Variants in NAALADL2 observed in about 807,000 individuals in gnomAD.
NAALADL2 encodes the protein inactive N-acetylated-alpha-linked acidic dipeptidase-like protein 2.
NAALADL2 carries 76 observed loss-of-function variants against 87.2 expected under a neutral mutation model. That is an observed-to-expected ratio of 0.87 (90% CI 0.72 to 1.05). The LOEUF (loss-of-function observed/expected upper bound fraction) is 1.05, where lower values mean the gene tolerates loss of function less well. Among genes scored for constraint, NAALADL2 ranks in the 50% least tolerant of loss-of-function variants. NAALADL2 has a pLI of 0.00. For missense variants in NAALADL2, 1,089 were observed against 945.8 expected, an observed-to-expected ratio of 1.15 and a Z score of -1.99; for synonymous variants, 354 against 331.0, an observed-to-expected ratio of 1.07 and a Z score of -0.75.
chr3:175,265,533 T>C (rs1426818273), intron 4 of NAALADL2, among the ~76,000 whole-genome samples: 1 of 151,616 alleles, frequency 6.6e-6, no homozygotes, highest in African/African-American at 2.4e-5. Flanking sequence ...TAATTATTAT[T>C]ACTATCTTGC....
intron 1 of NAALADL2, among the ~76,000 whole-genome samples, chr3:175,048,657 G>A (rs74509054): frequency 0.012 from 1,777 of 152,048 alleles, 27 homozygotes; most frequent in African/African-American, 0.041. Flanking sequence ...TTTTATGATC[G>A]GAATTGAGTT....
At chr3:175,225,609 G>T (rs893825728) in intron 2 of NAALADL2, among the ~76,000 whole-genome samples, 2 of 151,806 alleles carry the variant, frequency 1.3e-5, no homozygotes, top group Non-Finnish European at 2.9e-5. Context: ...TGTGATAAAG[G>T]CTAGTCATTT....
intron 11 of NAALADL2, among the ~76,000 whole-genome samples, chr3:175,734,655 C>A (rs957950583): frequency 1.2e-4 from 18 of 152,322 alleles, no homozygotes; most frequent in Admixed American, 1.0e-3. Flanking sequence ...GCTACCAAGA[C>A]TTGGGGCTTC....
intron 1 of NAALADL2, among the ~76,000 whole-genome samples, chr3:174,937,890 T>C (rs763807765): frequency 2.6e-5 from 4 of 152,090 alleles, no homozygotes; most frequent in Non-Finnish European, 5.9e-5. Flanking sequence ...CCCTCCTCTT[T>C]GCAAAAATAG....
intron 11 of NAALADL2, among the ~76,000 whole-genome samples, chr3:175,725,212 CATT>C (rs1304824889): frequency 6.6e-6 from 1 of 152,048 alleles, no homozygotes; most frequent in Non-Finnish European, 1.5e-5. Context: ...GTTTCTTTAG[CATT>C]ATTACAAATT....
At chr3:175,231,680 A>G (rs774089538) in intron 2 of NAALADL2, among the ~76,000 whole-genome samples, 23 of 152,168 alleles carry the variant, frequency 1.5e-4, no homozygotes, top group South Asian at 4.1e-4. Flanking sequence ...ATGTTCATCA[A>G]TTAACAGTGT....
intron 1 of NAALADL2, among the ~76,000 whole-genome samples, chr3:174,940,436 A>G (rs1237302416): frequency 1.3e-5 from 2 of 152,120 alleles, no homozygotes; most frequent in African/African-American, 2.4e-5. Flanking sequence ...GAATTTTTGC[A>G]TCTGTGTTCA....
At chr3:174,863,329 T>G (rs1726733954) in intron 1 of NAALADL2, among the ~76,000 whole-genome samples, 1 of 152,092 alleles carries the variant, frequency 6.6e-6, no homozygotes, top group Non-Finnish European at 1.5e-5. Context: ...TTGACGTCTT[T>G]TAGTTTCTAT....
At chr3:175,131,603 T>A (rs981652131) in intron 2 of NAALADL2, among the ~76,000 whole-genome samples, 3 of 152,320 alleles carry the variant, frequency 2.0e-5, no homozygotes, top group East Asian at 3.9e-4. Context: ...TTCCCCGCTT[T>A]CTATTCCACA....
At chr3:175,169,893 G>A (rs577980754) in intron 2 of NAALADL2, among the ~76,000 whole-genome samples, 43 of 151,914 alleles carry the variant, frequency 2.8e-4, no homozygotes, top group Middle Eastern at 3.4e-3. Flanking sequence ...ATTTAACATC[G>A]TTTTAAACTC....
intron 2 of NAALADL2, among the ~76,000 whole-genome samples, chr3:175,200,159 TG>T (rs1739812723): frequency 6.6e-6 from 1 of 151,828 alleles, no homozygotes; most frequent in South Asian, 2.1e-4. Flanking sequence ...GCTTAAGCTT[TG>T]CTTCTTCATT....
intron 2 of NAALADL2, among the ~76,000 whole-genome samples, chr3:174,703,792 C>T (rs903669582): frequency 5.3e-5 from 8 of 152,148 alleles, no homozygotes; most frequent in Non-Finnish European, 1.2e-4. Context: ...ACCTTACAGA[C>T]ATCTTTATAC....
At chr3:175,535,078 C>T (rs1368073694) in intron 9 of NAALADL2, among the ~76,000 whole-genome samples, 1 of 152,050 alleles carries the variant, frequency 6.6e-6, no homozygotes, top group Non-Finnish European at 1.5e-5. Context: ...ATCAGATTCA[C>T]ACCTAGAATG....
At chr3:175,074,070 T>C (rs1716150413) in intron 1 of NAALADL2, among the ~76,000 whole-genome samples, 1 of 152,102 alleles carries the variant, frequency 6.6e-6, no homozygotes, top group Non-Finnish European at 1.5e-5. Context: ...TAGCTTTTTT[T>C]TACTGTTCTA....
At chr3:175,753,932 C>G (rs1746918016) in intron 12 of NAALADL2, among the ~76,000 whole-genome samples, 1 of 152,160 alleles carries the variant, frequency 6.6e-6, no homozygotes, top group Non-Finnish European at 1.5e-5. Context: ...ATTACCTTGA[C>G]TTGAAGTGAT....
At chr3:175,645,762 C>T (rs922233556) in intron 11 of NAALADL2, among the ~76,000 whole-genome samples, 1 of 152,060 alleles carries the variant, frequency 6.6e-6, no homozygotes, top group African/African-American at 2.4e-5. Context: ...CCTCATTATG[C>T]ATCAGATAGT....
At position 175,240,884 on chromosome 3, in the gene NAALADL2, C is replaced by T. The variant is rs540781019; in HGVS notation, c.819+6680C>T. 1.4e-4 allele frequency among the ~76,000 whole-genome samples: 21 copies of T among 152,244 alleles called. No individual in the cohort carries two copies. The South Asian group carries it at 4.4e-3, about 32-fold the overall frequency. On this transcript the variant is annotated intron_variant, in intron 3 of 13. Transcript: ENST00000454872. ...TGGTCAGGCTGGTCTCGAACTGGAA[C>T]TCCCGACCTCAGGTGATCCACCTGC...
chr3:175,591,308 C>G (rs927641470), intron 10 of NAALADL2, among the ~76,000 whole-genome samples: 5 of 152,092 alleles, frequency 3.3e-5, no homozygotes, highest in Non-Finnish European at 2.9e-5. Context: ...AGATTTAACT[C>G]TGATGCTAAA....
chr3:175,096,061 C>T (rs1311157400), intron 1 of NAALADL2, among the ~76,000 whole-genome samples: 2 of 152,066 alleles, frequency 1.3e-5, no homozygotes, highest in Non-Finnish European at 2.9e-5. Flanking sequence ...AAAGGCTTTC[C>T]TCTTTGGATT....
Sources: allele counts gnomAD v4.1 joint callset (sites outside exome capture counted in the v4.1 genomes callset), GRCh38; gene constraint gnomAD v4.1.1; transcripts MANE v1.5; gene names NCBI Gene and HGNC (gene_info 2026-07-23, HGNC 2026-07-21).